Variants in SPATA13 observed in about 807,000 individuals in gnomAD.
SPATA13 encodes the protein spermatogenesis associated 13.
SPATA13 carries 50 observed loss-of-function variants against 104.0 expected under a neutral mutation model. That is an observed-to-expected ratio of 0.48 (90% CI 0.38 to 0.61). The LOEUF (loss-of-function observed/expected upper bound fraction) is 0.61. SPATA13 is among the 20% of genes least tolerant of loss of function. The pLI is 0.00. For missense variants in SPATA13, 1,524 were observed against 1,690.6 expected, an observed-to-expected ratio of 0.90 and a Z score of 1.73; for synonymous variants, 606 against 667.5, an observed-to-expected ratio of 0.91 and a Z score of 1.42.
At position 24,076,299 on chromosome 13, in the gene SPATA13, T is replaced by C. The variant is rs536257764; in HGVS notation, c.-112+58598T>C. On this transcript the variant is annotated intron_variant, in intron 3 of 14. Transcript: ENST00000424834. ...CTGGGAAATGAGTGGTTTATCTTTGTGTGCCAGGTTATAGCCCCGTGCCTG... is the reference window on the plus strand; with the variant it reads ...CTGGGAAATGAGTGGTTTATCTTTGCGTGCCAGGTTATAGCCCCGTGCCTG... Among the ~76,000 whole-genome samples the C allele has an allele frequency of 2.0e-5, 3 of 152,256 alleles. No individual in the cohort carries two copies. The East Asian group carries it at 5.8e-4, about 29-fold the overall frequency.
chr13:24,106,843 C>T (rs1325406120), intron 3 of SPATA13, among the ~76,000 whole-genome samples: 1 of 152,042 alleles, frequency 6.6e-6, no homozygotes, highest in African/African-American at 2.4e-5. Flanking sequence ...AATCTTGTTC[C>T]TAAGTTCACT....
In SPATA13 at chr13:24,161,829, A is replaced by T. The variant is rs1593369514; in HGVS notation, c.-112+897A>T. Among the ~76,000 whole-genome samples, 1 of 152,022 alleles carries T rather than the reference A, an allele frequency of 6.6e-6. No individual in the cohort carries two copies. On this transcript the variant is annotated intron_variant, in intron 1 of 12. Transcript: ENST00000382108. The surrounding 1 kb of genome is among the most constrained non-coding windows in gnomAD (Gnocchi z 4.5). ...CCATGGCTTCCCATAGCCTTATATT[A>T]TGCACCTCCCCCTGCCAGCATTTTC... is the stretch of plus-strand genomic sequence containing the variant.
intron 4 of SPATA13, among the ~76,000 whole-genome samples, chr13:24,268,806 T>G (rs189092130): frequency 3.9e-5 from 6 of 152,112 alleles, no homozygotes; most frequent in African/African-American, 1.4e-4. Flanking sequence ...GCTGAACTGG[T>G]CATAAGAGTT....
At chr13:24,084,396 C>T (rs1485138496) in intron 3 of SPATA13, among the ~76,000 whole-genome samples, 6 of 152,162 alleles carry the variant, frequency 3.9e-5, no homozygotes, top group Non-Finnish European at 4.4e-5. Context: ...GCAGGATGCC[C>T]GGGGAAGAAA....
Position 24,302,975 on chromosome 13 carries a change from A to G in SPATA13, c.*202A>G. 1.5e-6 allele frequency: 1 copy of G among 652,392 alleles called. No homozygotes were observed. Among genetic ancestry groups the G allele is most frequent in the Non-Finnish European group, 2.6e-6 (1 of 379,952 alleles). 40.4% of individuals were successfully genotyped at this position (652,392 alleles called of 1,614,324 possible). On this transcript the variant is annotated 3_prime_UTR_variant, in exon 13 of 13. Coordinates refer to ENST00000382108, the MANE Select transcript of SPATA13 (RefSeq NM_001166271.3). ...TTGTGGAAGGGAGGAGACGGTCATGACACAAAGCTTTATCCTACACAGAAA... is the reference window on the plus strand; with the variant it reads ...TTGTGGAAGGGAGGAGACGGTCATGGCACAAAGCTTTATCCTACACAGAAA...
intron 1 of SPATA13, among the ~76,000 whole-genome samples, chr13:24,201,031 TCA>T (rs10529866): frequency 0.21 from 31,633 of 149,816 alleles, 3,291 homozygotes; most frequent in Middle Eastern, 0.24. Flanking sequence ...AGCTAGTCAG[TCA>T]CACACACACA....
intron 2 of SPATA13, among the ~76,000 whole-genome samples, chr13:23,997,481 T>C (rs891605949): frequency 2.0e-5 from 3 of 152,252 alleles, no homozygotes; most frequent in African/African-American, 4.8e-5. Context: ...ATTTGAGATT[T>C]ATCCATGTCT....
At chr13:24,002,861 A>T (rs988328800) in intron 2 of SPATA13, among the ~76,000 whole-genome samples, 2 of 151,928 alleles carry the variant, frequency 1.3e-5, no homozygotes, top group Admixed American at 6.6e-5. Context: ...GTAAAATCAA[A>T]CTCATTGGTC....
intron 3 of SPATA13, among the ~76,000 whole-genome samples, chr13:24,131,285 A>G (rs1881383046): frequency 6.6e-6 from 1 of 152,206 alleles, no homozygotes. Context: ...TGTCTTGACC[A>G]GCTAGTCCTC....
chr13:24,122,493 A>G, intron 3 of SPATA13: 4 of 1,608,050 alleles, frequency 2.5e-6, no homozygotes, highest in South Asian at 1.1e-5. Flanking sequence ...ATTCTTGCCC[A>G]TCTTCATCAA....
intron 3 of SPATA13, among the ~76,000 whole-genome samples, chr13:24,149,762 A>T (rs1226959748): frequency 6.6e-6 from 1 of 152,218 alleles, no homozygotes; most frequent in Non-Finnish European, 1.5e-5. Flanking sequence ...CGGGGCGGAT[A>T]GAGCTGGAGA....
At chr13:24,182,013 G>C (rs1048019082) in intron 1 of SPATA13, among the ~76,000 whole-genome samples, 4 of 152,196 alleles carry the variant, frequency 2.6e-5, no homozygotes, top group African/African-American at 9.7e-5. Context: ...ACCTCATATA[G>C]TGTCTGACAT....
At chr13:24,125,842 T>C in intron 3 of SPATA13, among the ~76,000 whole-genome samples, 1 of 152,182 alleles carries the variant, frequency 6.6e-6, no homozygotes. Context: ...CTCATTAAAC[T>C]TCTGGTCAAT....
chr13:24,103,114 A>G (rs968926413), intron 3 of SPATA13, among the ~76,000 whole-genome samples: 1 of 152,216 alleles, frequency 6.6e-6, no homozygotes, highest in South Asian at 2.1e-4. Flanking sequence ...ATTGTCAGGC[A>G]TAATGAGGGC....
At chr13:24,026,066 T>C (rs4638422) in intron 3 of SPATA13, among the ~76,000 whole-genome samples, 81,560 of 151,956 alleles carry the variant, frequency 0.54, 22,060 homozygotes, top group Middle Eastern at 0.57. Context: ...GCCTTCTAAA[T>C]ACCTTTTCTT....
intron 2 of SPATA13, among the ~76,000 whole-genome samples, chr13:24,012,250 C>T (rs922394488): frequency 6.6e-6 from 1 of 152,200 alleles, no homozygotes; most frequent in African/African-American, 2.4e-5. Flanking sequence ...AGGGACTCCT[C>T]CAGAAGAGAT....
At chr13:24,060,846 G>A (rs548860711) in intron 3 of SPATA13, among the ~76,000 whole-genome samples, 131 of 152,224 alleles carry the variant, frequency 8.6e-4, no homozygotes, top group Middle Eastern at 3.4e-3. Flanking sequence ...TGAAATCAGC[G>A]TGGCCAACAT....
chr13:24,135,948 A>C (rs1593352504), intron 3 of SPATA13, among the ~76,000 whole-genome samples: 1 of 152,198 alleles, frequency 6.6e-6, no homozygotes, highest in Admixed American at 6.5e-5. Context: ...GAGGGCTGGG[A>C]TATTTATTTT....
At chr13:24,282,679 T>C (rs546573279) in intron 4 of SPATA13, among the ~76,000 whole-genome samples, 1 of 152,334 alleles carries the variant, frequency 6.6e-6, no homozygotes, top group East Asian at 1.9e-4. Context: ...CTCCACGTCG[T>C]AGCAAAGTCT....
Sources: gnomAD v4.1 joint callset for allele counts (sites outside exome capture counted in the v4.1 genomes callset) on GRCh38, gnomAD v4.1.1 for gene constraint, Gnocchi (gnomAD v3.1) non-coding constraint, MANE v1.5 for transcripts, NCBI Gene and HGNC (gene_info 2026-07-23, HGNC 2026-07-21) for gene names.